VEPH1: variants seen among roughly 807,000 people sequenced by gnomAD.
VEPH1 encodes the protein ventricular zone expressed PH domain containing 1.
Under a neutral mutation model 85.2 loss-of-function variants are expected in VEPH1, and 80 were observed. The observed-to-expected ratio is 0.94, with a 90% CI of 0.78 to 1.13. The LOEUF (loss-of-function observed/expected upper bound fraction) is 1.13, where lower values mean the gene tolerates loss of function less well. VEPH1 is among the 50% of genes most tolerant of loss of function. The probability of loss-of-function intolerance (pLI) is 0.00; values close to 1 mark genes in which losing one functional copy is unlikely to be tolerated. For missense variants in VEPH1, 955 were observed against 980.5 expected, an observed-to-expected ratio of 0.97 and a Z score of 0.35; for synonymous variants, 297 against 348.0, an observed-to-expected ratio of 0.85 and a Z score of 1.63.
intron 4 of VEPH1, chr3:157,443,207 T>G (rs944044118): frequency 2.1e-6 from 1 of 478,470 alleles, no homozygotes; most frequent in Non-Finnish European, 3.6e-6. Context: ...GCCATGGTGC[T>G]TTCAGTTTAA....
chr3:157,396,489 G>A (rs1052725389), intron 6 of VEPH1, among the ~76,000 whole-genome samples: 9 of 152,092 alleles, frequency 5.9e-5, no homozygotes, highest in African/African-American at 2.2e-4. Flanking sequence ...TAGTATTTCT[G>A]CCTCCTAGGT....
intron 6 of VEPH1, chr3:157,409,961 T>G (rs538805357): frequency 2.9e-5 from 28 of 979,676 alleles, no homozygotes; most frequent in Admixed American, 6.2e-5. Context: ...AGATTGTATA[T>G]TATATGCTCT....
chr3:157,364,424 G>A lies in VEPH1; in HGVS notation c.1216C>T (p.Gln406Ter). Residue 406 changes from glutamine (Q) to a stop codon, truncating the protein, a stop_gained, in exon 8 of 14, where the codon CAA (glutamine) becomes TAA (stop). Coordinates refer to ENST00000362010, the MANE Select transcript of VEPH1 (RefSeq NM_001167912.2). LOFTEE classifies it high-confidence loss of function. Reference sequence around the variant, plus strand: ...TCTTCAAAAGCCTGGATTTTAACTTGGAGTTTTTCATGGTCTTCATTTTCA... The same window carrying A: ...TCTTCAAAAGCCTGGATTTTAACTTAGAGTTTTTCATGGTCTTCATTTTCA... The part of the protein sequence containing the change: ...VTENEDHEKL[Q>*]VKIQAFEDKI... The A allele has an allele frequency of 1.2e-6, 2 of 1,613,940 alleles. No homozygotes were observed. Among genetic ancestry groups the A allele is most frequent in the Non-Finnish European group, 1.7e-6 (2 of 1,179,944 alleles).
intron 13 of VEPH1, among the ~76,000 whole-genome samples, chr3:157,262,085 C>T (rs973636055): frequency 3.3e-5 from 5 of 152,098 alleles, no homozygotes; most frequent in Non-Finnish European, 1.5e-5. Flanking sequence ...ATTCTCCTTG[C>T]CCACCTCTCC....
chr3:157,280,348 T>C (rs1428073881), intron 12 of VEPH1, among the ~76,000 whole-genome samples: 1 of 152,174 alleles, frequency 6.6e-6, no homozygotes, highest in African/African-American at 2.4e-5. Flanking sequence ...TTACTACGTA[T>C]AGTGATTTGT....
At chr3:157,277,852 A>C (rs1359195788) in intron 12 of VEPH1, among the ~76,000 whole-genome samples, 2 of 152,224 alleles carry the variant, frequency 1.3e-5, no homozygotes, top group African/African-American at 4.8e-5. Context: ...TATATTTGGC[A>C]CAAAAGAGAT....
intron 5 of VEPH1, among the ~76,000 whole-genome samples, chr3:157,427,463 T>C (rs1281191026): frequency 6.6e-6 from 1 of 152,040 alleles, no homozygotes; most frequent in Admixed American, 6.6e-5. Context: ...AATATTTATT[T>C]ATTTATTTTT....
intron 6 of VEPH1, among the ~76,000 whole-genome samples, chr3:157,396,943 A>G (rs1398868469): frequency 6.6e-6 from 1 of 152,124 alleles, no homozygotes; most frequent in Non-Finnish European, 1.5e-5. Flanking sequence ...CTCTTTAATT[A>G]GATCCCATTT....
intron 4 of VEPH1, among the ~76,000 whole-genome samples, chr3:157,438,290 C>G (rs1041281970): frequency 1.3e-5 from 2 of 152,158 alleles, no homozygotes; most frequent in South Asian, 4.2e-4. Flanking sequence ...CTCTTGCCGC[C>G]CAGCTTCCCT....
At position 157,470,444 on chromosome 3, in the gene VEPH1, A is replaced by G; in HGVS notation, c.224T>C (p.Ile75Thr). Residue 75 changes from isoleucine to threonine, a missense_variant, in exon 3 of 14, where the codon ATT (isoleucine) becomes ACT (threonine). Physicochemically the swap from Ile to Thr is moderately conservative, Grantham distance 89. Transcript: ENST00000362010. ...ITTAIRETES[I>T]EKHAKALVGL... ...CACAAGGGCCTTTGCATGCTTTTCA[A>G]TGGACTCGGTCTCTCTGATGGCTGT... is the stretch of plus-strand genomic sequence containing the variant. The G allele has an allele frequency of 1.2e-6, 2 of 1,614,142 alleles. No individual in the cohort carries two copies. Among genetic ancestry groups the G allele is most frequent in the African/African-American group, 1.3e-5 (1 of 75,032 alleles).
intron 7 of VEPH1, among the ~76,000 whole-genome samples, chr3:157,369,665 C>G (rs1368864115): frequency 2.6e-5 from 4 of 152,166 alleles, no homozygotes; most frequent in African/African-American, 9.7e-5. Flanking sequence ...ATTGGAAGGT[C>G]AGGAAATGGT....
At chr3:157,356,591 T>G (rs1300670279) in intron 9 of VEPH1, among the ~76,000 whole-genome samples, 2 of 152,208 alleles carry the variant, frequency 1.3e-5, no homozygotes, top group Non-Finnish European at 1.5e-5. Flanking sequence ...CCTTTTCCTC[T>G]GTCTTATCAA....
intron 12 of VEPH1, among the ~76,000 whole-genome samples, chr3:157,271,488 C>T (rs1214153823): frequency 3.3e-5 from 5 of 152,136 alleles, no homozygotes; most frequent in Non-Finnish European, 7.4e-5. Flanking sequence ...AACACTCCTC[C>T]GCCTGAAGAG....
intron 13 of VEPH1, among the ~76,000 whole-genome samples, chr3:157,264,108 G>A (rs565420250): frequency 6.6e-6 from 1 of 152,358 alleles, no homozygotes; most frequent in East Asian, 1.9e-4. Flanking sequence ...ATCTATTGGG[G>A]ACCTGGATAG....
chr3:157,449,080 C>T (rs904996400), intron 4 of VEPH1, among the ~76,000 whole-genome samples: 4 of 152,180 alleles, frequency 2.6e-5, no homozygotes, highest in African/African-American at 4.8e-5. Context: ...AACTGTGAGT[C>T]CAATAAACAT....
chr3:157,357,447 A>T (rs2108746558), intron 9 of VEPH1, among the ~76,000 whole-genome samples: 1 of 152,204 alleles, frequency 6.6e-6, no homozygotes, highest in Non-Finnish European at 1.5e-5. Flanking sequence ...GGTTAACTAG[A>T]CATGCAGACA....
chr3:157,464,597 G>A (rs981627170), intron 3 of VEPH1, among the ~76,000 whole-genome samples: 3 of 152,186 alleles, frequency 2.0e-5, no homozygotes, highest in African/African-American at 7.2e-5. Flanking sequence ...CAATTTAGCT[G>A]TAGAGGTTAA....
At chr3:157,341,666 TACAG>T (rs1158419852) in intron 9 of VEPH1, among the ~76,000 whole-genome samples, 1 of 152,024 alleles carries the variant, frequency 6.6e-6, no homozygotes, top group African/African-American at 2.4e-5. Context: ...ATTCAGGAAA[TACAG>T]AGAACGTGAC....
At chr3:157,427,104 C>T (rs1732812506) in intron 5 of VEPH1, among the ~76,000 whole-genome samples, 1 of 152,158 alleles carries the variant, frequency 6.6e-6, no homozygotes, top group African/African-American at 2.4e-5. Flanking sequence ...TCTCCTGCCT[C>T]AGCCTCCTGA....
Sources: gnomAD v4.1 joint callset for allele counts (sites outside exome capture counted in the v4.1 genomes callset) on GRCh38, gnomAD v4.1.1 for gene constraint, MANE v1.5 for transcripts, NCBI Gene and HGNC (gene_info 2026-07-23, HGNC 2026-07-21) for gene names.